MSH3: variants seen among roughly 807,000 people sequenced by gnomAD.
The protein encoded by MSH3 is DNA mismatch repair protein Msh3.
A neutral mutation model predicts 123.3 loss-of-function variants in MSH3; 106 were observed. The observed-to-expected ratio is 0.86, with a 90% CI of 0.73 to 1.01. The LOEUF is 1.01. MSH3 is among the 50% of genes least tolerant of loss of function. MSH3 has a pLI of 0.00. For missense variants in MSH3, 1,459 were observed against 1,347.6 expected (o/e 1.08, Z -1.29); for synonymous variants, 515 against 481.4 (o/e 1.07, Z -0.91).
intron 5 of MSH3, 144 bp from the exon 6 acceptor site, chr5:80,672,597 T>C: frequency 1.3e-6 from 1 of 770,958 alleles, no homozygotes. Context: ...TTATCCACCC[T>C]TGTCAACTCC....
chr5:80,779,661 TCATTCTCCCACCTCAGC>T, intron 17 of MSH3, among the ~76,000 whole-genome samples: 1 of 150,692 alleles, frequency 6.6e-6, no homozygotes. Context: ...CCCACCTCAG[TCATTCTCCCACCTCAGC>T]CTCCTGAGTA....
At chr5:80,787,273 C>G (rs1199288120) in intron 17 of MSH3, among the ~76,000 whole-genome samples, 3 of 152,136 alleles carry the variant, frequency 2.0e-5, no homozygotes. Flanking sequence ...TATGTTATAT[C>G]TTAAGTTCAA....
intron 13 of MSH3, among the ~76,000 whole-genome samples, chr5:80,763,907 A>G (rs1236622103): frequency 6.6e-6 from 1 of 152,272 alleles, no homozygotes; most frequent in Admixed American, 6.5e-5. Context: ...TTCAAAATAT[A>G]GTTTACTAAC....
rs892866552 is a variant in MSH3 at position 80,698,926 on chromosome 5, T to C, written c.1340+19833T>C. Among the ~76,000 whole-genome samples the C allele has an allele frequency of 2.6e-4, 40 of 152,112 alleles. 1 individual carries two copies. Among genetic ancestry groups the C allele is most frequent in the African/African-American group, 9.2e-4 (38 of 41,422 alleles). The stretch of plus-strand genomic sequence containing the variant: ...GTAACAAACCTGCACGTTGTGCACA[T>C]GTACCCTAGAACTTAAAGTATAATA... On this transcript the variant is annotated intron_variant, in intron 8 of 23. Coordinates refer to ENST00000265081, the MANE Select transcript of MSH3 (RefSeq NM_002439.5).
chr5:80,690,424 C>T (rs1750202394), intron 8 of MSH3, among the ~76,000 whole-genome samples: 1 of 152,144 alleles, frequency 6.6e-6, no homozygotes, highest in Non-Finnish European at 1.5e-5. Context: ...TCTTCTGCCT[C>T]AGACTCCCCA....
At chr5:80,691,878 T>C (rs995650358) in intron 8 of MSH3, among the ~76,000 whole-genome samples, 2 of 145,850 alleles carry the variant, frequency 1.4e-5, no homozygotes, top group African/African-American at 5.0e-5. Context: ...TATGTTTATA[T>C]AGATAAACGT....
intron 2 of MSH3, among the ~76,000 whole-genome samples, chr5:80,664,504 A>G (rs952900416): frequency 2.6e-5 from 4 of 152,114 alleles, no homozygotes; most frequent in Admixed American, 2.0e-4. Flanking sequence ...TGGGTTAGGT[A>G]CAGTACTCCA....
At chr5:80,680,929 T>G (rs765839367) in intron 8 of MSH3, among the ~76,000 whole-genome samples, 28 of 152,284 alleles carry the variant, frequency 1.8e-4, no homozygotes, top group Middle Eastern at 3.4e-3. Flanking sequence ...ATGATGAATA[T>G]CCATATACAG....
Position 80,808,873 on chromosome 5 carries a change from A to ATATATATGTATATATATATATATATATG in MSH3, c.2656-4704_2656-4703insGTATATATATATATATATATGTATATAT, listed in dbSNP as rs58133423. Among the ~76,000 whole-genome samples the ATATATATGTATATATATATATATATATG allele has an allele frequency of 4.4e-5, 6 of 137,044 alleles. 1 individual carries two copies. The highest frequency in any genetic ancestry group is 1.4e-4 in the African/African-American group (5 of 36,840). 89.9% of individuals were successfully genotyped at this position (137,044 alleles called of 152,430 possible). A position where few individuals can be genotyped will look rare whatever the true frequency, so the allele number is the denominator to read the frequency against. On this transcript the variant is annotated intron_variant, in intron 19 of 23. Coordinates refer to ENST00000265081, the MANE Select transcript of MSH3 (RefSeq NM_002439.5). ...ATATCTTCTTCATATATATATATAT[A>ATATATATGTATATATATATATATATATG]TATATATATACACAATCTAAATTCG...
chr5:80,773,747 A>G (rs566245171), intron 15 of MSH3, among the ~76,000 whole-genome samples: 1 of 152,224 alleles, frequency 6.6e-6, no homozygotes, highest in Admixed American at 6.5e-5. Flanking sequence ...TAAATGAATC[A>G]TTGAATTAGT....
chr5:80,764,516 A>AT (rs575667262), intron 13 of MSH3, among the ~76,000 whole-genome samples: 40,002 of 128,672 alleles, frequency 0.31, 5,769 homozygotes, highest in Middle Eastern at 0.36. Context: ...ATGCCCAGCT[A>AT]TTTTTTTTTT....
At chr5:80,752,093 T>C (rs1349081038) in intron 12 of MSH3, among the ~76,000 whole-genome samples, 3 of 152,022 alleles carry the variant, frequency 2.0e-5, no homozygotes, top group African/African-American at 7.2e-5. Context: ...TGAAGGTATG[T>C]ATGCAAAGTG....
At chr5:80,856,369 A>G (rs766022661) in intron 21 of MSH3, among the ~76,000 whole-genome samples, 1 of 151,924 alleles carries the variant, frequency 6.6e-6, no homozygotes, top group Non-Finnish European at 1.5e-5. Context: ...TATAGAAACT[A>G]CGTAGGAAAT....
chr5:80,672,135 G>A (rs1677652), intron 4 of MSH3, 109 bp from the exon 5 acceptor site: 4 of 820,366 alleles, frequency 4.9e-6, no homozygotes, highest in Non-Finnish European at 8.1e-6. Context: ...TAGATTAAGT[G>A]TACAAATCCT....
intron 7 of MSH3, among the ~76,000 whole-genome samples, chr5:80,678,267 C>A (rs1290961424): frequency 1.3e-5 from 2 of 152,192 alleles, no homozygotes; most frequent in Non-Finnish European, 2.9e-5. Flanking sequence ...TGGCTAGAAA[C>A]TTCCTATCAC....
intron 14 of MSH3, among the ~76,000 whole-genome samples, chr5:80,768,505 A>G (rs1307106522): frequency 6.6e-6 from 1 of 152,186 alleles, no homozygotes; most frequent in Non-Finnish European, 1.5e-5. Context: ...TTTAAAAGGT[A>G]GTTATAACAT....
At chr5:80,754,493 G>A (rs1467363724) in intron 12 of MSH3, among the ~76,000 whole-genome samples, 5 of 152,138 alleles carry the variant, frequency 3.3e-5, no homozygotes, top group Non-Finnish European at 5.9e-5. Flanking sequence ...TAGTAAGGAG[G>A]AAGAGATACA....
At chr5:80,672,398 G>T in intron 5 of MSH3, 38 bp downstream of exon 5, 1 of 1,455,254 alleles carries the variant, frequency 6.9e-7, no homozygotes, top group Non-Finnish European at 9.7e-7. Context: ...AAGGAAATTG[G>T]GATTCTCCTC....
At chr5:80,857,354 T>C (rs1445910484) in intron 21 of MSH3, among the ~76,000 whole-genome samples, 2 of 152,208 alleles carry the variant, frequency 1.3e-5, no homozygotes, top group African/African-American at 2.4e-5. Context: ...TGGTTTATAG[T>C]TTTCTTATAA....
Sources: gnomAD v4.1 joint callset for allele counts (sites outside exome capture counted in the v4.1 genomes callset) on GRCh38, gnomAD v4.1.1 for gene constraint, MANE v1.5 for transcripts, NCBI Gene and HGNC (gene_info 2026-07-23, HGNC 2026-07-21) for gene names.